DHX29: variants seen among roughly 807,000 people sequenced by gnomAD.
DHX29 encodes the protein DExH-box helicase 29, also known as ATP-dependent RNA helicase DHX29.
A neutral mutation model predicts 167.9 loss-of-function variants in DHX29; 79 were observed. The ratio of observed to expected loss-of-function variants is 0.47; its 90% CI spans 0.39 to 0.57. The LOEUF (loss-of-function observed/expected upper bound fraction) is 0.57, where lower values mean the gene tolerates loss of function less well. Among genes scored for constraint, DHX29 ranks in the 20% least tolerant of loss-of-function variants. DHX29 has a pLI of 0.00. For missense variants in DHX29, 1,347 were observed against 1,593.4 expected (o/e 0.85, Z 2.63); for synonymous variants, 530 against 546.0 (o/e 0.97, Z 0.41).
chr5:55,306,682 C>A (rs1408635300), intron 1 of DHX29, among the ~76,000 whole-genome samples: 1 of 152,164 alleles, frequency 6.6e-6, no homozygotes, highest in Non-Finnish European at 1.5e-5. Context: ...GCAAATATTT[C>A]TTGAATACTC....
At chr5:55,290,957 G>A (rs1320254710) in intron 6 of DHX29, among the ~76,000 whole-genome samples, 1 of 152,204 alleles carries the variant, frequency 6.6e-6, no homozygotes, top group Non-Finnish European at 1.5e-5. Flanking sequence ...AGAGGCTGCA[G>A]TGAGCTGAGA....
At chr5:55,283,944 G>T (rs1315947487) in intron 10 of DHX29, 133 bp from the exon 11 acceptor site, 5 of 615,612 alleles carry the variant, frequency 8.1e-6, no homozygotes, top group Non-Finnish European at 1.3e-5. Flanking sequence ...TTTAATATAT[G>T]TATGTGTATG....
In DHX29 at chr5:55,283,317, C is replaced by T. The variant is rs1416488415; in HGVS notation, c.1851G>A (p.Glu617=). The T allele has an allele frequency of 6.2e-7, 1 of 1,614,132 alleles. No individual in the cohort carries two copies. Among genetic ancestry groups the T allele is most frequent in the Non-Finnish European group, 8.5e-7 (1 of 1,180,008 alleles). The change falls in exon 11 of 27, where the codon GAG becomes GAA. Residue 617 remains glutamate (E), a synonymous_variant. Transcript: ENST00000251636. ...HFLLEDLLLN[E]WEASKCNIVC... is the part of the protein sequence containing the mutation. The stretch of plus-strand genomic sequence containing the variant: ...CAATGTTACATTTACTTGCTTCCCA[C>T]TCATTTAGAAGCAAATCTTCCAATA...
intron 17 of DHX29, among the ~76,000 whole-genome samples, chr5:55,272,470 C>T (rs1399018840): frequency 6.6e-6 from 1 of 152,194 alleles, no homozygotes; most frequent in Non-Finnish European, 1.5e-5. Flanking sequence ...CGGTGGCTCA[C>T]GCCTGTAATC....
At chr5:55,259,603 C>T (rs533871458) in intron 26 of DHX29, among the ~76,000 whole-genome samples, 1 of 152,162 alleles carries the variant, frequency 6.6e-6, no homozygotes, top group East Asian at 1.9e-4. Context: ...ATTACAGGTG[C>T]CCGCCACCAT....
chr5:55,266,988 A>G (rs1746608827), intron 23 of DHX29, 150 bp downstream of exon 23: 1 of 542,114 alleles, frequency 1.8e-6, no homozygotes, highest in African/African-American at 1.9e-5. Context: ...ACTTGCTGGA[A>G]GAAAGAAGTA....
rs1746352290 is a variant in DHX29 at position 55,262,381 on chromosome 5, T to G, written c.3828+249A>C. 1.3e-5 allele frequency among the ~76,000 whole-genome samples: 2 copies of G among 152,176 alleles called. 1 individual carries two copies. The highest frequency in any genetic ancestry group is 4.1e-4 in the South Asian group (2 of 4,830). On this transcript the variant is annotated intron_variant, in intron 24 of 26. Transcript: ENST00000251636. ...TGATACATTATTAACCAACATCAAT[T>G]TGCTATTACTGTCTTTATTCCAAGT...
At chr5:55,301,439 C>A (rs1317313575) in intron 1 of DHX29, among the ~76,000 whole-genome samples, 3 of 152,126 alleles carry the variant, frequency 2.0e-5, no homozygotes, top group African/African-American at 7.2e-5. Context: ...CCAGGCCAGG[C>A]GTGGTGGCTC....
At chr5:55,272,949 C>A (rs976629637) in intron 17 of DHX29, among the ~76,000 whole-genome samples, 5 of 152,166 alleles carry the variant, frequency 3.3e-5, no homozygotes, top group African/African-American at 1.2e-4. Flanking sequence ...TAGAGAACAA[C>A]AAGAATACTC....
chr5:55,278,089 G>A (rs1340309821), intron 12 of DHX29, among the ~76,000 whole-genome samples: 3 of 152,044 alleles, frequency 2.0e-5, no homozygotes, highest in East Asian at 1.9e-4. Flanking sequence ...CTCTATCACT[G>A]TCAGAAAAAA....
Position 55,269,397 on chromosome 5 carries a change from G to T in DHX29, c.3294+16C>A, listed in dbSNP as rs1410870523. 6 of 1,606,508 alleles carry T rather than the reference G, an allele frequency of 3.7e-6. No individual in the cohort carries two copies. The highest frequency in any genetic ancestry group is 1.7e-5 in the Admixed American group (1 of 59,978). On this transcript the variant is annotated intron_variant, in intron 21 of 26. Coordinates refer to ENST00000251636, the MANE Select transcript of DHX29 (RefSeq NM_019030.4). The stretch of plus-strand genomic sequence containing the variant: ...GGATATTTAAAGTAAAGAAGCAGCA[G>T]CATTGTTTGACTTACCACTGGGTCA...
rs748716619 is a variant in DHX29 at position 55,270,447 on chromosome 5, G to A, written c.3034C>T (p.Arg1012Cys). The A allele has an allele frequency of 1.4e-5, 22 of 1,612,222 alleles. No individual in the cohort carries two copies. Among genetic ancestry groups the A allele is most frequent in the African/African-American group, 6.7e-5 (5 of 74,836 alleles). Residue 1012 changes from arginine (R) to cysteine (C), a missense_variant, in exon 20 of 27, where the codon CGT becomes TGT. Physicochemically the swap from Arg to Cys is radical, Grantham distance 180. Coordinates refer to ENST00000251636, the MANE Select transcript of DHX29 (RefSeq NM_019030.4). ...FMDYSVPEIL[R>C]VPLEELCLHI... is the part of the protein sequence containing the mutation. ...AGGCATAATTCCTCCAAAGGTACACGTAAGATTTCAGGAACAGAATAATCC... is the reference window on the plus strand; with the variant it reads ...AGGCATAATTCCTCCAAAGGTACACATAAGATTTCAGGAACAGAATAATCC...
At chr5:55,285,609 T>C (rs1454168015) in intron 9 of DHX29, 87 bp downstream of exon 9, 1 of 1,400,030 alleles carries the variant, frequency 7.1e-7, no homozygotes, top group African/African-American at 1.4e-5. Context: ...AATGTCTGCT[T>C]ACCTCACAGG....
intron 24 of DHX29, 63 bp downstream of exon 24, chr5:55,262,567 C>A: frequency 6.4e-7 from 1 of 1,561,318 alleles, no homozygotes; most frequent in Admixed American, 1.8e-5. Context: ...GGCATCCTAA[C>A]TTGTTATGAA....
intron 7 of DHX29, 132 bp downstream of exon 7, chr5:55,290,084 TAA>T: frequency 9.4e-7 from 1 of 1,069,166 alleles, no homozygotes. Context: ...CTTATTATTT[TAA>T]AAGTTTGCTA....
At chr5:55,280,179 C>CT (rs1012668177) in intron 12 of DHX29, among the ~76,000 whole-genome samples, 5 of 152,038 alleles carry the variant, frequency 3.3e-5, no homozygotes, top group African/African-American at 1.2e-4. Context: ...CACTTCTAGG[C>CT]TTTTTTTACT....
Position 55,271,353 on chromosome 5 carries a change from G to A in DHX29, c.2865-647C>T, listed in dbSNP as rs1031876915. ...CAGTTATGAAATTTTCATTTTGGCT[G>A]GGCGAGGTGGCTCACGCCTGTAATC... On this transcript the variant is annotated intron_variant, in intron 18 of 26. Coordinates refer to ENST00000251636, the MANE Select transcript of DHX29 (RefSeq NM_019030.4). Among the ~76,000 whole-genome samples, 9 of 152,322 alleles carry A rather than the reference G, an allele frequency of 5.9e-5. No homozygotes were observed. The East Asian group carries it at 1.7e-3, about 29-fold the overall frequency.
In DHX29 at chr5:55,275,797, A is replaced by G. The variant is rs180820333; in HGVS notation, c.2427+469T>C. Among the ~76,000 whole-genome samples, 9 of 152,164 alleles carry G rather than the reference A, an allele frequency of 5.9e-5. No individual in the cohort carries two copies. In the East Asian group the frequency reaches 1.7e-3, roughly 29 times the overall value. On this transcript the variant is annotated intron_variant, in intron 14 of 26. Coordinates refer to ENST00000251636, the MANE Select transcript of DHX29 (RefSeq NM_019030.4). ...TGTGTGTGTGTCTGTCTGTCTATCT[A>G]TCTATCTATCACTATCTACCTATCA...
intron 25 of DHX29, among the ~76,000 whole-genome samples, chr5:55,260,250 G>A (rs547748924): frequency 6.8e-6 from 1 of 146,514 alleles, no homozygotes; most frequent in East Asian, 2.0e-4. Flanking sequence ...TTTTTTTTTT[G>A]AGATGGAGTC....
Sources: allele counts gnomAD v4.1 joint callset (sites outside exome capture counted in the v4.1 genomes callset), GRCh38; gene constraint gnomAD v4.1.1; transcripts MANE v1.5; gene names NCBI Gene and HGNC (gene_info 2026-07-23, HGNC 2026-07-21).